The following TNNI3K variants were observed in gnomAD, a reference collection of about 807,000 sequenced individuals.
TNNI3K encodes serine/threonine-protein kinase TNNI3K.
Under a neutral mutation model 114.5 loss-of-function variants are expected in TNNI3K, and 140 were observed. The ratio of observed to expected loss-of-function variants is 1.22; its 90% CI spans 1.07 to 1.41. The LOEUF (loss-of-function observed/expected upper bound fraction) is 1.41, where lower values mean the gene tolerates loss of function less well. TNNI3K is among the 40% of genes most tolerant of loss of function. The pLI, the probability that TNNI3K is intolerant of heterozygous loss-of-function variation, is 0.00. For synonymous variants in TNNI3K, 347 were observed against 347.5 expected, an observed-to-expected ratio of 1.00 and a Z score of 0.02; for missense variants, 1,125 against 1,007.6, an observed-to-expected ratio of 1.12 and a Z score of -1.58.
At chr1:74,350,987 G>A (rs545229153) in intron 9 of TNNI3K, among the ~76,000 whole-genome samples, 2 of 151,944 alleles carry the variant, frequency 1.3e-5, no homozygotes, top group African/African-American at 4.8e-5. Flanking sequence ...GTATTGTTAT[G>A]TGTGAACTTG....
intron 17 of TNNI3K, among the ~76,000 whole-genome samples, chr1:74,422,886 A>C (rs1031443946): frequency 4.6e-5 from 7 of 152,130 alleles, no homozygotes; most frequent in Admixed American, 4.6e-4. Context: ...ATCATGTGTC[A>C]CTTCCATGAT....
chr1:74,289,087 T>C (rs941630121), intron 5 of TNNI3K, among the ~76,000 whole-genome samples: 1 of 151,688 alleles, frequency 6.6e-6, no homozygotes, highest in Non-Finnish European at 1.5e-5. Flanking sequence ...ATTAAAAAAA[T>C]CAATTATTTT....
At chr1:74,447,101 A>G (rs1214418805) in intron 20 of TNNI3K, among the ~76,000 whole-genome samples, 3 of 151,412 alleles carry the variant, frequency 2.0e-5, no homozygotes, top group East Asian at 1.9e-4. Context: ...GCTTGATGGG[A>G]ATGGCATTGA....
chr1:74,455,919 C>T (rs547225861), intron 20 of TNNI3K, among the ~76,000 whole-genome samples: 1 of 152,310 alleles, frequency 6.6e-6, no homozygotes, highest in Non-Finnish European at 1.5e-5. Context: ...AGTTTACCAG[C>T]TATCTGGGTA....
At position 74,353,260 on chromosome 1, in the gene TNNI3K, T is replaced by G. The variant is rs1557515553; in HGVS notation, c.933-6T>G. The G allele has an allele frequency of 6.2e-7, 1 of 1,605,836 alleles. No homozygotes were observed. The highest frequency in any genetic ancestry group is 1.1e-5 in the South Asian group (1 of 88,550). ...ATCTTTCTTGTTTTATGGTTTTTTT[T>G]TTCAGTGCTTGTACCTATGGCAAGA... On this transcript the variant is annotated splice_polypyrimidine_tract_variant and splice_region_variant and intron_variant, in intron 9 of 24. Coordinates refer to ENST00000326637, the MANE Select transcript of TNNI3K (RefSeq NM_015978.3).
chr1:74,518,649 A>C (rs1462043626), intron 23 of TNNI3K, among the ~76,000 whole-genome samples: 1 of 152,136 alleles, frequency 6.6e-6, no homozygotes, highest in Non-Finnish European at 1.5e-5. Flanking sequence ...AGGCTTCATA[A>C]TGCATCGCTA....
intron 21 of TNNI3K, chr1:74,475,821 TAGAG>T (rs908441945): frequency 1.0e-4 from 59 of 575,882 alleles, no homozygotes; most frequent in Admixed American, 2.2e-4. Context: ...CTATGACAAA[TAGAG>T]AGACCATTAA....
At chr1:74,482,752 A>T (rs1332778298) in intron 21 of TNNI3K, among the ~76,000 whole-genome samples, 1 of 152,192 alleles carries the variant, frequency 6.6e-6, no homozygotes, top group East Asian at 1.9e-4. Context: ...GCAATATGTA[A>T]TGAATACAGG....
At chr1:74,494,349 GCT>G (rs1669225300) in intron 23 of TNNI3K, among the ~76,000 whole-genome samples, 1 of 152,184 alleles carries the variant, frequency 6.6e-6, no homozygotes, top group East Asian at 1.9e-4. Flanking sequence ...AGGAGTTGCA[GCT>G]GCAGCTATGA....
At chr1:74,274,826 G>T (rs1656575816) in intron 5 of TNNI3K, among the ~76,000 whole-genome samples, 1 of 151,986 alleles carries the variant, frequency 6.6e-6, no homozygotes, top group Non-Finnish European at 1.5e-5. Context: ...AATGTGCTCA[G>T]AACTCTTACA....
At chr1:74,516,425 G>C (rs11210472) in intron 23 of TNNI3K, among the ~76,000 whole-genome samples, 1 of 152,094 alleles carries the variant, frequency 6.6e-6, no homozygotes, top group Non-Finnish European at 1.5e-5. Context: ...TATCAAATCC[G>C]TACAATACAA....
Position 74,392,247 on chromosome 1 carries a change from G to T in TNNI3K, c.1772+21855G>T, listed in dbSNP as rs144355939. ...TTGAAGGATGGGAGCTACTAGAGCC[G>T]GTGTCCATGATAAGGGAATAATCTG... On this transcript the variant is annotated intron_variant, in intron 17 of 24. Coordinates refer to ENST00000326637, the MANE Select transcript of TNNI3K (RefSeq NM_015978.3). 3.8e-3 allele frequency among the ~76,000 whole-genome samples: 579 copies of T among 152,252 alleles called. 3 individuals carry two copies. Among genetic ancestry groups the T allele is most frequent in the African/African-American group, 0.013 (539 of 41,542 alleles).
Position 74,331,459 on chromosome 1 carries a change from GTGCTGT to G in TNNI3K, c.458_463del (p.Leu153_Leu154del). On this transcript the variant is annotated inframe_deletion, in exon 6 of 25. Coordinates refer to ENST00000326637, the MANE Select transcript of TNNI3K (RefSeq NM_015978.3). The stretch of plus-strand genomic sequence containing the variant: ...TCATTTTCTTGTCCAGGCTGCTGAT[GTGCTGT>G]TGCAACATGGAGCTAATGTCAATAT... 6.2e-7 allele frequency: 1 copy of G among 1,613,224 alleles called. No homozygotes were observed. The highest frequency in any genetic ancestry group is 8.5e-7 in the Non-Finnish European group (1 of 1,179,696).
At chr1:74,501,954 C>G (rs1332490530) in intron 23 of TNNI3K, among the ~76,000 whole-genome samples, 1 of 152,024 alleles carries the variant, frequency 6.6e-6, no homozygotes, top group Non-Finnish European at 1.5e-5. Context: ...CTCTGCATAT[C>G]TTTATGTAGA....
intron 4 of TNNI3K, among the ~76,000 whole-genome samples, chr1:74,266,700 C>T (rs1656013421): frequency 6.6e-6 from 1 of 151,880 alleles, no homozygotes; most frequent in African/African-American, 2.4e-5. Flanking sequence ...AGGATTTGAG[C>T]TCTGTGATAT....
At chr1:74,335,094 A>T (rs923013993) in intron 6 of TNNI3K, among the ~76,000 whole-genome samples, 1 of 152,316 alleles carries the variant, frequency 6.6e-6, no homozygotes, top group South Asian at 2.1e-4. Flanking sequence ...AAAAAATAAC[A>T]TTTACAGAAC....
At chr1:74,430,718 TAACTC>T (rs151083378) in intron 17 of TNNI3K, among the ~76,000 whole-genome samples, 31,034 of 152,026 alleles carry the variant, frequency 0.2, 3,949 homozygotes, top group Middle Eastern at 0.33. Flanking sequence ...CATAAACAAT[TAACTC>T]AAGTCATTTG....
rs59330029 is a variant in TNNI3K, at chr1:74,379,202, CCTGAATT to C, written c.1772+8811_1772+8817del. Among the ~76,000 whole-genome samples, 1,143 of 151,714 alleles carry C rather than the reference CCTGAATT, an allele frequency of 7.5e-3. 10 individuals carry two copies. The highest frequency in any genetic ancestry group is 0.026 in the African/African-American group (1,074 of 41,370). ...AGAAAAACCTCATTATGACTATGTCCCTGAATTGAAATATGGCTCAAGAGGAAAAACA... is the reference window on the plus strand; with the variant it reads ...AGAAAAACCTCATTATGACTATGTCCGAAATATGGCTCAAGAGGAAAAACA... On this transcript the variant is annotated intron_variant, in intron 17 of 24. Transcript: ENST00000326637.
intron 3 of TNNI3K, 150 bp downstream of exon 3, chr1:74,249,694 G>A: frequency 3.2e-6 from 2 of 625,636 alleles, no homozygotes; most frequent in Non-Finnish European, 5.0e-6. Context: ...CTCAGTTTAG[G>A]CAGTAACTAT....
Sources: gnomAD v4.1 joint callset for allele counts (sites outside exome capture counted in the v4.1 genomes callset) on GRCh38, gnomAD v4.1.1 for gene constraint, MANE v1.5 for transcripts, NCBI Gene and HGNC (gene_info 2026-07-23, HGNC 2026-07-21) for gene names.